The following ZC3H7A variants were observed in gnomAD, a reference collection of about 807,000 sequenced individuals.
ZC3H7A encodes the protein zinc finger CCCH-type containing 7A.
A neutral mutation model predicts 125.5 loss-of-function variants in ZC3H7A; 44 were observed. The observed-to-expected ratio is 0.35, with a 90% CI of 0.28 to 0.45. The LOEUF is 0.45. Among genes scored for constraint, ZC3H7A ranks in the 20% least tolerant of loss-of-function variants. The probability of loss-of-function intolerance (pLI) is 1.00; values close to 1 mark genes in which losing one functional copy is unlikely to be tolerated. For missense variants in ZC3H7A, 977 were observed against 1,170.7 expected, an observed-to-expected ratio of 0.83 and a Z score of 2.41; for synonymous variants, 399 against 391.2, an observed-to-expected ratio of 1.02 and a Z score of -0.23.
At chr16:11,785,139 C>T (rs1006522989) in intron 1 of ZC3H7A, among the ~76,000 whole-genome samples, 9 of 150,968 alleles carry the variant, frequency 6.0e-5, no homozygotes, top group African/African-American at 2.2e-4. Flanking sequence ...GCCTGAGCAA[C>T]AAGAGTGAAA....
At chr16:11,790,720 G>T (rs1412698468) in intron 1 of ZC3H7A, among the ~76,000 whole-genome samples, 3 of 151,912 alleles carry the variant, frequency 2.0e-5, no homozygotes, top group Non-Finnish European at 4.4e-5. Context: ...TGTATTTTTA[G>T]TAGAGATGAG....
intron 9 of ZC3H7A, among the ~76,000 whole-genome samples, chr16:11,771,404 AAAAC>A (rs1164008538): frequency 6.6e-6 from 1 of 152,144 alleles, no homozygotes; most frequent in African/African-American, 2.4e-5. Context: ...AATAAAAAAA[AAAAC>A]AAAGTTTAAA....
In ZC3H7A at chr16:11,774,440, C is replaced by G; in HGVS notation, c.699G>C (p.Glu233Asp). ...APSFSHEVGSELASVPVMPLT... is the reference protein window; with the variant it reads ...APSFSHEVGSDLASVPVMPLT... ...AGGGCATAACAGGAACTGAGGCCAG[C>G]TCACTTCCAACTTCATGAGAAAAAC... Residue 233 changes from glutamate to aspartate, a missense_variant, in exon 9 of 23, where the codon GAG (glutamate) becomes GAC (aspartate). By Grantham distance (45) the Glu-to-Asp change is conservative. Transcript: ENST00000355758. The G allele has an allele frequency of 2.5e-6, 4 of 1,603,504 alleles. No individual in the cohort carries two copies. The South Asian group carries it at 4.5e-5, about 18-fold the overall frequency.
At position 11,785,271 on chromosome 16, in the gene ZC3H7A, C is replaced by G. The variant is rs565611123; in HGVS notation, c.-34-2883G>C. ...GGAGGACTGATAGAGCCTGTGAGGTCGAGGTTGCAGTGAGCTACAATCATG... is the reference window on the plus strand; with the variant it reads ...GGAGGACTGATAGAGCCTGTGAGGTGGAGGTTGCAGTGAGCTACAATCATG... On this transcript the variant is annotated intron_variant, in intron 1 of 22. Transcript: ENST00000355758. Among the ~76,000 whole-genome samples the G allele has an allele frequency of 1.8e-4, 28 of 151,364 alleles. No individual in the cohort carries two copies. The South Asian group carries it at 3.2e-3, about 17-fold the overall frequency.
chr16:11,792,088 T>C (rs2053364929), intron 1 of ZC3H7A, among the ~76,000 whole-genome samples: 1 of 152,094 alleles, frequency 6.6e-6, no homozygotes, highest in South Asian at 2.1e-4. Flanking sequence ...TTGTATTTTT[T>C]GTAGAGACAG....
chr16:11,752,110 T>G (rs1159550112), intron 22 of ZC3H7A, among the ~76,000 whole-genome samples: 1 of 151,900 alleles, frequency 6.6e-6, no homozygotes, highest in African/African-American at 2.4e-5. Flanking sequence ...TTCACCATGT[T>G]GTCCAGGCTG....
chr16:11,780,276 A>G (rs767186889), intron 3 of ZC3H7A, among the ~76,000 whole-genome samples: 45 of 151,726 alleles, frequency 3.0e-4, no homozygotes, highest in Middle Eastern at 3.2e-3. Flanking sequence ...ACCTGCCACC[A>G]CACTCGGCTA....
intron 1 of ZC3H7A, among the ~76,000 whole-genome samples, chr16:11,792,052 C>A (rs944067419): frequency 6.6e-6 from 1 of 152,132 alleles, no homozygotes; most frequent in Non-Finnish European, 1.5e-5. Context: ...GAACTACAAG[C>A]ACATGCCACT....
chr16:11,763,014 T>C, intron 16 of ZC3H7A: 3 of 347,148 alleles, frequency 8.6e-6, no homozygotes. Context: ...ACACTCAAAA[T>C]AGGCAACTCT....
At chr16:11,792,250 A>G (rs2053367440) in intron 1 of ZC3H7A, among the ~76,000 whole-genome samples, 1 of 152,212 alleles carries the variant, frequency 6.6e-6, no homozygotes, top group Non-Finnish European at 1.5e-5. Context: ...AAGAAACTCA[A>G]TTAAATAAGA....
chr16:11,766,382 T>C (rs1427944406), intron 13 of ZC3H7A, among the ~76,000 whole-genome samples: 6 of 152,050 alleles, frequency 3.9e-5, no homozygotes, highest in African/African-American at 1.4e-4. Context: ...CTAACCAACA[T>C]GAAGAAACCC....
intron 1 of ZC3H7A, among the ~76,000 whole-genome samples, chr16:11,789,062 C>G (rs1022861742): frequency 6.6e-6 from 1 of 152,024 alleles, no homozygotes; most frequent in Non-Finnish European, 1.5e-5. Flanking sequence ...TGCTTAAAAC[C>G]CAGTGAGGCC....
chr16:11,778,345 G>A (rs1255200939), intron 4 of ZC3H7A, among the ~76,000 whole-genome samples: 2 of 146,792 alleles, frequency 1.4e-5, no homozygotes, highest in Admixed American at 7.1e-5. Context: ...GCCGAGGCAG[G>A]AAAATTGCTT....
At chr16:11,775,046 T>C (rs984922155) in intron 7 of ZC3H7A, 33 bp from the exon 8 acceptor site, 2 of 1,611,046 alleles carry the variant, frequency 1.2e-6, no homozygotes, top group South Asian at 2.2e-5. Context: ...GGTTATAATA[T>C]TTTCAGGACT....
chr16:11,792,644 C>G (rs909188486), intron 1 of ZC3H7A, among the ~76,000 whole-genome samples: 5 of 152,208 alleles, frequency 3.3e-5, no homozygotes, highest in African/African-American at 7.2e-5. Flanking sequence ...AATCCTCCTG[C>G]TAACCTTAAG....
intron 3 of ZC3H7A, among the ~76,000 whole-genome samples, chr16:11,780,082 T>C (rs2053150243): frequency 6.6e-6 from 1 of 152,066 alleles, no homozygotes; most frequent in South Asian, 2.1e-4. Context: ...GTCATTTTCC[T>C]TCATTATTTC....
chr16:11,793,226 C>T (rs2053380894), intron 1 of ZC3H7A, among the ~76,000 whole-genome samples: 1 of 152,134 alleles, frequency 6.6e-6, no homozygotes, highest in African/African-American at 2.4e-5. Flanking sequence ...AAAAGGTATC[C>T]CTACATTTCA....
At chr16:11,792,214 A>G (rs958885477) in intron 1 of ZC3H7A, among the ~76,000 whole-genome samples, 1 of 152,194 alleles carries the variant, frequency 6.6e-6, no homozygotes, top group African/African-American at 2.4e-5. Flanking sequence ...CCAAGGAGAG[A>G]TACTTTGAAC....
intron 21 of ZC3H7A, among the ~76,000 whole-genome samples, chr16:11,756,020 G>A (rs920792455): frequency 6.6e-6 from 1 of 152,092 alleles, no homozygotes; most frequent in African/African-American, 2.4e-5. Context: ...AAAATTAGCT[G>A]GGCGTGGTGG....
Sources: allele counts gnomAD v4.1 joint callset (sites outside exome capture counted in the v4.1 genomes callset), GRCh38; gene constraint gnomAD v4.1.1; transcripts MANE v1.5; gene names NCBI Gene and HGNC (gene_info 2026-07-23, HGNC 2026-07-21).